Variants in SLCO3A1 observed in about 807,000 individuals in gnomAD.
The protein encoded by SLCO3A1 is PGE1 transporter.
SLCO3A1 carries 27 observed loss-of-function variants against 63.1 expected under a neutral mutation model. That is an observed-to-expected ratio of 0.43 (90% CI 0.32 to 0.59). The LOEUF is 0.59. Among genes scored for constraint, SLCO3A1 ranks in the 20% least tolerant of loss-of-function variants. SLCO3A1 has a pLI of 0.09. For synonymous variants in SLCO3A1, 473 were observed against 409.9 expected (o/e 1.15, Z -1.86); for missense variants, 773 against 945.8 (o/e 0.82, Z 2.40).
intron 1 of SLCO3A1, among the ~76,000 whole-genome samples, chr15:91,869,823 G>A (rs989542084): frequency 5.9e-5 from 9 of 152,220 alleles, no homozygotes; most frequent in African/African-American, 2.2e-4. Context: ...CTCTGTTTGT[G>A]TCCAGATTCA....
chr15:92,092,854 T>C (rs1270374377), intron 2 of SLCO3A1, among the ~76,000 whole-genome samples: 1 of 152,160 alleles, frequency 6.6e-6, no homozygotes, highest in African/African-American at 2.4e-5. Flanking sequence ...ACGTCACTCC[T>C]CTCCAAAGTG....
chr15:92,167,403 G>C (rs1305660050), downstream of SLCO3A1, among the ~76,000 whole-genome samples: 1 of 152,218 alleles, frequency 6.6e-6, no homozygotes, highest in Non-Finnish European at 1.5e-5. Flanking sequence ...TTCCAAGAGA[G>C]GGTGCTAGTG....
intron 2 of SLCO3A1, among the ~76,000 whole-genome samples, chr15:91,993,124 T>C (rs1019235307): frequency 2.6e-5 from 4 of 152,180 alleles, no homozygotes; most frequent in South Asian, 4.1e-4. Flanking sequence ...ACAGCACTGA[T>C]TGGGAGAAGA....
chr15:92,012,213 T>C (rs980071412), intron 2 of SLCO3A1, among the ~76,000 whole-genome samples: 1 of 152,220 alleles, frequency 6.6e-6, no homozygotes, highest in African/African-American at 2.4e-5. Flanking sequence ...CAAAGACCAT[T>C]GTATTTTCAT....
intron 3 of SLCO3A1, among the ~76,000 whole-genome samples, chr15:92,096,213 G>C (rs1365874013): frequency 6.6e-6 from 1 of 152,116 alleles, no homozygotes; most frequent in Non-Finnish European, 1.5e-5. Flanking sequence ...CCCACAGGAG[G>C]GGACTACCTC....
chr15:92,054,651 G>C (rs1052080850), intron 2 of SLCO3A1, among the ~76,000 whole-genome samples: 29 of 150,136 alleles, frequency 1.9e-4, no homozygotes, highest in Admixed American at 1.9e-3. Context: ...CCCTCCCTGT[G>C]TCCATGTGTT....
At chr15:91,876,222 C>G (rs1050339821) in intron 1 of SLCO3A1, among the ~76,000 whole-genome samples, 1 of 152,216 alleles carries the variant, frequency 6.6e-6, no homozygotes, top group Non-Finnish European at 1.5e-5. Context: ...CATTGCCCAA[C>G]CTTCCCAGTT....
intron 2 of SLCO3A1, among the ~76,000 whole-genome samples, chr15:92,031,108 G>A (rs376588343): frequency 1.3e-5 from 2 of 152,072 alleles, no homozygotes; most frequent in African/African-American, 2.4e-5. Flanking sequence ...TGTTCTGCAC[G>A]CATTTCTGGT....
Position 91,875,963 on chromosome 15 carries a change from A to G in SLCO3A1, c.180+21875A>G, listed in dbSNP as rs1285916634. Among the ~76,000 whole-genome samples the G allele has an allele frequency of 6.6e-6, 1 of 152,168 alleles. No individual in the cohort carries two copies. Among genetic ancestry groups the G allele is most frequent in the Non-Finnish European group, 1.5e-5 (1 of 68,026 alleles). On this transcript the variant is annotated intron_variant, in intron 1 of 9. Transcript: ENST00000318445. This position sits in a 1 kb window ranked among gnomAD's most constrained non-coding sequence, Gnocchi z 4.5. ...AAAAGGTTTGCTACCCCTGCTCTAG[A>G]ATCTTAAAGAATTCTTAGAGTTGTG... is the stretch of plus-strand genomic sequence containing the variant.
intron 1 of SLCO3A1, among the ~76,000 whole-genome samples, chr15:91,909,394 A>G (rs11635526): frequency 0.3 from 44,912 of 152,164 alleles, 7,708 homozygotes; most frequent in East Asian, 0.72. Flanking sequence ...AGTAGCTGCT[A>G]TGATGACCAT....
intron 2 of SLCO3A1, among the ~76,000 whole-genome samples, chr15:92,013,063 A>T (rs1056588889): frequency 1.3e-5 from 2 of 152,218 alleles, no homozygotes; most frequent in Non-Finnish European, 2.9e-5. Context: ...CAGCTTCCAG[A>T]GAGAGGGAGA....
intron 2 of SLCO3A1, among the ~76,000 whole-genome samples, chr15:91,946,240 C>G (rs544754991): frequency 4.6e-5 from 7 of 152,300 alleles, no homozygotes; most frequent in African/African-American, 1.7e-4. Flanking sequence ...GAGGTTGAGC[C>G]ACTCAGCTGG....
intron 1 of SLCO3A1, chr15:91,889,179 C>G: frequency 1.6e-6 from 2 of 1,286,954 alleles, no homozygotes; most frequent in Non-Finnish European, 2.0e-6. Flanking sequence ...TGTCATAACA[C>G]TGGAGATGCA....
intron 7 of SLCO3A1, among the ~76,000 whole-genome samples, chr15:92,132,489 G>T (rs1016942646): frequency 6.9e-6 from 1 of 145,194 alleles, no homozygotes; most frequent in African/African-American, 2.5e-5. Flanking sequence ...TTCCTTTGGC[G>T]TGAATATATG....
intron 3 of SLCO3A1, among the ~76,000 whole-genome samples, chr15:92,103,488 C>G (rs2151545029): frequency 1.3e-5 from 2 of 151,756 alleles, no homozygotes; most frequent in East Asian, 1.9e-4. Context: ...TATTAGAGAG[C>G]TGGTGCCAAA....
At chr15:91,898,243 G>T (rs1183530373) in intron 1 of SLCO3A1, among the ~76,000 whole-genome samples, 1 of 152,224 alleles carries the variant, frequency 6.6e-6, no homozygotes, top group Non-Finnish European at 1.5e-5. Flanking sequence ...TCTCACTGAG[G>T]TAAAGAAGGC....
intron 7 of SLCO3A1, among the ~76,000 whole-genome samples, chr15:92,142,818 G>A (rs1371307878): frequency 1.3e-5 from 2 of 152,140 alleles, no homozygotes; most frequent in Non-Finnish European, 1.5e-5. Context: ...ATCCATTTCA[G>A]GAGGGATTTA....
intron 7 of SLCO3A1, among the ~76,000 whole-genome samples, chr15:92,143,439 A>AAT (rs1231659329): frequency 1.4e-4 from 1 of 6,946 alleles, no homozygotes; most frequent in African/African-American, 1.4e-3. Flanking sequence ...TAATATATAT[A>AAT]ATATATATAT....
intron 2 of SLCO3A1, among the ~76,000 whole-genome samples, chr15:91,961,055 A>C (rs1353490967): frequency 6.6e-6 from 1 of 152,182 alleles, no homozygotes. Context: ...CTCTCCCTTG[A>C]GTGGCCCTTT....
Sources: allele counts gnomAD v4.1 joint callset (sites outside exome capture counted in the v4.1 genomes callset), GRCh38; gene constraint gnomAD v4.1.1; non-coding constraint Gnocchi (gnomAD v3.1); transcripts MANE v1.5; gene names NCBI Gene and HGNC (gene_info 2026-07-23, HGNC 2026-07-21).